The following ERCC4 variants were observed in gnomAD, a reference collection of about 807,000 sequenced individuals.
The protein encoded by ERCC4 is ERCC excision repair 4, endonuclease catalytic subunit, also known as DNA repair endonuclease XPF.
Under a neutral mutation model 76.9 loss-of-function variants are expected in ERCC4, and 65 were observed. The observed-to-expected ratio is 0.84, with a 90% CI of 0.69 to 1.04. ERCC4 has a LOEUF of 1.04. Ranked by LOEUF, ERCC4 falls within the 50% of genes least tolerant of loss-of-function variation. ERCC4 has a pLI of 0.00. For missense variants in ERCC4, 1,214 were observed against 1,128.2 expected, an observed-to-expected ratio of 1.08 and a Z score of -1.09; for synonymous variants, 463 against 410.1, an observed-to-expected ratio of 1.13 and a Z score of -1.56.
At chr16:13,928,406 A>C (rs2032110294) in intron 4 of ERCC4, among the ~76,000 whole-genome samples, 171 bp downstream of exon 4, 1 of 152,234 alleles carries the variant, frequency 6.6e-6, no homozygotes, top group Non-Finnish European at 1.5e-5. Flanking sequence ...AATTTATAGT[A>C]AAGTATGTGG....
At position 13,922,179 on chromosome 16, in the gene ERCC4, T is replaced by C. The variant is rs2031990230; in HGVS notation, c.356T>C (p.Leu119Ser). The change falls in exon 2 of 11, where the codon TTG becomes TCG. Residue 119 changes from leucine (L) to serine (S), a missense_variant. By Grantham distance (145) the Leu-to-Ser change is moderately radical. Coordinates refer to ENST00000311895, the MANE Select transcript of ERCC4 (RefSeq NM_005236.3). ...ATSRILVVDF[L>S]TDRIPSDLIT... ...AGTAGGATACTTGTGGTTGACTTCT[T>C]GACTGATAGAATACCTTCAGATTTA... 1 of 1,612,172 alleles carries C rather than the reference T, an allele frequency of 6.2e-7. No homozygotes were observed. The highest frequency in any genetic ancestry group is 1.7e-5 in the Admixed American group (1 of 60,002).
chr16:13,945,528 G>A (rs1157554408), intron 10 of ERCC4, among the ~76,000 whole-genome samples: 3 of 152,236 alleles, frequency 2.0e-5, no homozygotes, highest in Non-Finnish European at 4.4e-5. Context: ...CCTTCGGTGA[G>A]GCCAAGTACA....
At chr16:13,928,003 T>C (rs1442941243) in intron 3 of ERCC4, 25 bp from the exon 4 acceptor site, 1 of 1,570,104 alleles carries the variant, frequency 6.4e-7, no homozygotes, top group South Asian at 1.1e-5. Context: ...TCTAGAAAAT[T>C]GTTGAAAAAT....
At chr16:13,937,952 A>C in intron 9 of ERCC4, 94 bp downstream of exon 9, 1 of 822,068 alleles carries the variant, frequency 1.2e-6, no homozygotes, top group Non-Finnish European at 2.1e-6. Context: ...AGGATAGGGC[A>C]AGGAAGACGT....
chr16:13,948,026 G>A lies in ERCC4; in HGVS notation c.2430G>A (p.Ala810=), dbSNP rs770255135. The change falls in exon 11 of 11, where the codon GCG becomes GCA. Residue 810 remains alanine, a synonymous_variant. Coordinates refer to ENST00000311895, the MANE Select transcript of ERCC4 (RefSeq NM_005236.3). ...ILWCPSPHAT[A]ELFEELKQSK... ...GGTGCCCCTCTCCTCATGCAACGGC[G>A]GAGTTGTTTGAGGAGCTGAAACAAA... 23 of 1,614,002 alleles carry A rather than the reference G, an allele frequency of 1.4e-5. No homozygotes were observed. The highest frequency in any genetic ancestry group is 2.2e-5 in the East Asian group (1 of 44,886).
chr16:13,938,851 G>A (rs968673524), intron 9 of ERCC4, among the ~76,000 whole-genome samples: 1 of 152,236 alleles, frequency 6.6e-6, no homozygotes, highest in African/African-American at 2.4e-5. Flanking sequence ...AACCTGGATA[G>A]CCCAGGAGAA....
At chr16:13,942,337 C>T (rs555355659) in intron 9 of ERCC4, among the ~76,000 whole-genome samples, 5 of 152,206 alleles carry the variant, frequency 3.3e-5, no homozygotes, top group African/African-American at 9.6e-5. Context: ...TTCTCACATT[C>T]GACTTGTAGT....
Position 13,935,004 on chromosome 16 carries a change from C to T in ERCC4, c.1214-142C>T, listed in dbSNP as rs3136150. 390 of 726,220 alleles carry T rather than the reference C, an allele frequency of 5.4e-4. No individual in the cohort carries two copies. In the Middle Eastern group the frequency reaches 6.1e-3, roughly 11 times the overall value. The allele number at this position is 726,220 out of a possible 1,614,324, so 45.0% of individuals were successfully genotyped here. Reference sequence around the variant, plus strand: ...AAAGCATTTGATCAATACCTAAGACCCTTTTTAAATAGTTTGTAAATTGTG... The same window carrying T: ...AAAGCATTTGATCAATACCTAAGACTCTTTTTAAATAGTTTGTAAATTGTG... On this transcript the variant is annotated intron_variant, in intron 7 of 10. Coordinates refer to ENST00000311895, the MANE Select transcript of ERCC4 (RefSeq NM_005236.3).
At chr16:13,927,713 T>A (rs1236055955) in intron 3 of ERCC4, 1 of 360,420 alleles carries the variant, frequency 2.8e-6, no homozygotes, top group Non-Finnish European at 5.2e-6. Flanking sequence ...CTCAACTCTG[T>A]TATTGCCCAA....
intron 9 of ERCC4, among the ~76,000 whole-genome samples, chr16:13,941,248 G>A (rs1189985250): frequency 6.6e-6 from 1 of 152,060 alleles, no homozygotes; most frequent in African/African-American, 2.4e-5. Context: ...TCTGTTATCT[G>A]GCATAATTTT....
chr16:13,927,588 T>C (rs1052849011), intron 3 of ERCC4: 16 of 161,332 alleles, frequency 9.9e-5, no homozygotes, highest in Non-Finnish European at 2.0e-4. Flanking sequence ...AGAGTAGTTA[T>C]AGTATTTTTA....
chr16:13,947,316 G>T (rs887945040), intron 10 of ERCC4, among the ~76,000 whole-genome samples: 1 of 152,146 alleles, frequency 6.6e-6, no homozygotes, highest in African/African-American at 2.4e-5. Flanking sequence ...AACAAAATGT[G>T]GTCAGTGAGG....
At chr16:13,929,933 G>A (rs183484224) in intron 4 of ERCC4, among the ~76,000 whole-genome samples, 74 of 152,198 alleles carry the variant, frequency 4.9e-4, no homozygotes, top group Non-Finnish European at 8.2e-4. Flanking sequence ...CACTGCACTC[G>A]AGCCTGGCTA....
chr16:13,942,484 A>T (rs759403861), intron 9 of ERCC4, among the ~76,000 whole-genome samples: 14 of 152,248 alleles, frequency 9.2e-5, no homozygotes, highest in Non-Finnish European at 1.6e-4. Flanking sequence ...CCACGTTATA[A>T]GAAAAGTACA....
At chr16:13,926,788 C>T (rs2032081514) in intron 3 of ERCC4, 32 bp downstream of exon 3, 2 of 1,486,398 alleles carry the variant, frequency 1.3e-6, no homozygotes, top group African/African-American at 1.4e-5. Context: ...ATAATGATGA[C>T]ATTATTTGTC....
Position 13,935,676 on chromosome 16 carries a change from G to A in ERCC4, c.1744G>A (p.Asp582Asn), listed in dbSNP as rs1254203697. The A allele has an allele frequency of 6.2e-7, 1 of 1,614,196 alleles. No homozygotes were observed. Among genetic ancestry groups the A allele is most frequent in the East Asian group, 2.2e-5 (1 of 44,886 alleles). The change falls in exon 8 of 11, where the codon GAC (aspartate) becomes AAC (asparagine). Residue 582 changes from aspartate (D) to asparagine (N), a missense_variant. Physicochemically the swap from Asp to Asn is conservative, Grantham distance 23 (BLOSUM62 1). Transcript: ENST00000311895. ...GGAGCCAAGATACGTGGTTCTTTAT[G>A]ACGCAGAGCTAACCTTTGTTCGGCA... Reference protein sequence around the residue: ...EVEPRYVVLYDAELTFVRQLE... With the variant: ...EVEPRYVVLYNAELTFVRQLE...
chr16:13,935,135 T>C lies in ERCC4; in HGVS notation c.1214-11T>C. 6.3e-7 allele frequency: 1 copy of C among 1,592,824 alleles called. No individual in the cohort carries two copies. Among genetic ancestry groups the C allele is most frequent in the Non-Finnish European group, 8.6e-7 (1 of 1,160,518 alleles). Reference sequence around the variant, plus strand: ...AGGTAATAGTAACATAATGTTGTTTTCTATTTTCAGGTCAAGTACTGATTT... The same window carrying C: ...AGGTAATAGTAACATAATGTTGTTTCCTATTTTCAGGTCAAGTACTGATTT... On this transcript the variant is annotated splice_polypyrimidine_tract_variant and intron_variant, in intron 7 of 10. Transcript: ENST00000311895.
intron 4 of ERCC4, among the ~76,000 whole-genome samples, chr16:13,928,691 G>A (rs955964092): frequency 4.6e-5 from 7 of 151,922 alleles, no homozygotes; most frequent in Non-Finnish European, 8.8e-5. Flanking sequence ...TTGAGGAAAT[G>A]GTAAGACATC....
rs755129754 is a variant in ERCC4 at position 13,932,126 on chromosome 16, T to C, written c.974-31T>C. ...CTGTTTTAAATTAACCATAAATTGA[T>C]GGCACTTTTTCTTTTAACTTTTCGT... On this transcript the variant is annotated intron_variant, in intron 5 of 10. Transcript: ENST00000311895. The C allele has an allele frequency of 1.3e-5, 20 of 1,598,324 alleles. No individual in the cohort carries two copies. In the East Asian group the frequency reaches 3.1e-4, roughly 25 times the overall value.
Sources: gnomAD v4.1 joint callset for allele counts (sites outside exome capture counted in the v4.1 genomes callset) on GRCh38, gnomAD v4.1.1 for gene constraint, MANE v1.5 for transcripts, NCBI Gene and HGNC (gene_info 2026-07-23, HGNC 2026-07-21) for gene names.